The following RTKN2 variants were observed in gnomAD, a reference collection of about 807,000 sequenced individuals.
The protein encoded by RTKN2 is rhotekin 2, also known as rhotekin-2.
A neutral mutation model predicts 71.5 loss-of-function variants in RTKN2; 69 were observed. The ratio of observed to expected loss-of-function variants is 0.96; its 90% CI spans 0.79 to 1.18. The LOEUF is 1.18. Among genes scored for constraint, RTKN2 ranks in the 50% most tolerant of loss-of-function variants. The pLI, the probability that RTKN2 is intolerant of heterozygous loss-of-function variation, is 0.00. For synonymous variants in RTKN2, 236 were observed against 236.5 expected (o/e 1.00, Z 0.02); for missense variants, 724 against 719.7 (o/e 1.01, Z -0.07).
chr10:62,261,039 TAAG>T (rs1471556319), intron 2 of RTKN2, among the ~76,000 whole-genome samples: 1 of 152,230 alleles, frequency 6.6e-6, no homozygotes, highest in Non-Finnish European at 1.5e-5. Flanking sequence ...ATTCATGCTC[TAAG>T]AAGACATGCC....
chr10:62,230,206 T>C (rs1423807142), intron 6 of RTKN2, among the ~76,000 whole-genome samples: 1 of 152,228 alleles, frequency 6.6e-6, no homozygotes, highest in African/African-American at 2.4e-5. Context: ...AGTCTCTCTC[T>C]TGTTGCCCAG....
intron 10 of RTKN2, among the ~76,000 whole-genome samples, chr10:62,204,096 G>T (rs1841501515): frequency 6.6e-6 from 1 of 152,092 alleles, no homozygotes; most frequent in Non-Finnish European, 1.5e-5. Context: ...TATGGAATAG[G>T]ATTCAGTAGA....
At chr10:62,251,866 G>A (rs1842587645) in intron 2 of RTKN2, among the ~76,000 whole-genome samples, 1 of 151,838 alleles carries the variant, frequency 6.6e-6, no homozygotes, top group South Asian at 2.1e-4. Context: ...AAAATATAAG[G>A]TGTCCAATGA....
At chr10:62,189,863 T>TC (rs1841193600), downstream of RTKN2, among the ~76,000 whole-genome samples, 1 of 151,696 alleles carries the variant, frequency 6.6e-6, no homozygotes, top group Non-Finnish European at 1.5e-5. Flanking sequence ...TTTTTTTTTT[T>TC]CTTCATTTTC....
At chr10:62,218,041 C>T (rs1415622182) in intron 8 of RTKN2, among the ~76,000 whole-genome samples, 154 bp downstream of exon 8, 1 of 152,008 alleles carries the variant, frequency 6.6e-6, no homozygotes, top group African/African-American at 2.4e-5. Flanking sequence ...TCACCCCGCA[C>T]CCCCTACAGT....
rs1841366037 is a variant in RTKN2, at chr10:62,198,089, T to C, written c.1649A>G (p.His550Arg). 6.2e-7 allele frequency: 1 copy of C among 1,614,022 alleles called. No individual in the cohort carries two copies. The highest frequency in any genetic ancestry group is 8.5e-7 in the Non-Finnish European group (1 of 1,179,992). Residue 550 changes from histidine (H) to arginine (R), a missense_variant, in exon 12 of 12, where the codon CAT becomes CGT. By Grantham distance (29) the His-to-Arg change is conservative. Transcript: ENST00000373789. Reference sequence around the variant, plus strand: ...AGCAGCCATTGGTTTCTGTAAGTGATGCATTAGAGTTGATAGTTTGGTATC... The same window carrying C: ...AGCAGCCATTGGTTTCTGTAAGTGACGCATTAGAGTTGATAGTTTGGTATC... Reference protein sequence around the residue: ...SLDTKLSTLMHHLQKPMAAPR... With the variant: ...SLDTKLSTLMRHLQKPMAAPR...
chr10:62,257,153 T>G (rs546294870), intron 2 of RTKN2, among the ~76,000 whole-genome samples: 1 of 152,328 alleles, frequency 6.6e-6, no homozygotes, highest in East Asian at 1.9e-4. Flanking sequence ...AAGAGTTACC[T>G]CAGCTATGAG....
At chr10:62,210,146 G>T (rs1432760661) in intron 9 of RTKN2, among the ~76,000 whole-genome samples, 14 of 152,066 alleles carry the variant, frequency 9.2e-5, no homozygotes, top group African/African-American at 3.4e-4. Context: ...ATAATATGTG[G>T]CCCTTATTTG....
chr10:62,227,622 G>A (rs1842056896), intron 6 of RTKN2, among the ~76,000 whole-genome samples: 2 of 152,172 alleles, frequency 1.3e-5, no homozygotes, highest in African/African-American at 4.8e-5. Flanking sequence ...GGAGTGAGAT[G>A]TGCAGCAAAT....
intron 9 of RTKN2, among the ~76,000 whole-genome samples, chr10:62,208,413 A>G (rs984752524): frequency 2.6e-5 from 4 of 152,178 alleles, no homozygotes; most frequent in Non-Finnish European, 5.9e-5. Flanking sequence ...ATCTTGTCCT[A>G]TCAGAAATCT....
intron 8 of RTKN2, among the ~76,000 whole-genome samples, chr10:62,185,116 A>C (rs113513798): frequency 6.6e-6 from 1 of 152,030 alleles, no homozygotes. Context: ...TTTCAGTACT[A>C]ACTTTAGATG....
intron 6 of RTKN2, among the ~76,000 whole-genome samples, chr10:62,228,456 G>T (rs1842077123): frequency 6.6e-6 from 1 of 152,162 alleles, no homozygotes; most frequent in South Asian, 2.1e-4. Flanking sequence ...CTGTAGGATG[G>T]GATGGAGGTA....
intron 1 of RTKN2, 95 bp downstream of exon 1, chr10:62,268,456 G>T: frequency 8.6e-7 from 1 of 1,164,400 alleles, no homozygotes; most frequent in Non-Finnish European, 1.3e-6. Flanking sequence ...GAGGAGCGGG[G>T]GAGAGGCTTT....
At chr10:62,218,414 C>A in intron 7 of RTKN2, 113 bp from the exon 8 acceptor site, 1 of 651,928 alleles carries the variant, frequency 1.5e-6, no homozygotes, top group Non-Finnish European at 2.5e-6. Context: ...TTGTACAGAA[C>A]ATATTTTAGA....
chr10:62,249,097 T>C (rs930318771), intron 2 of RTKN2, among the ~76,000 whole-genome samples: 3 of 152,180 alleles, frequency 2.0e-5, no homozygotes, highest in South Asian at 2.1e-4. Context: ...AGTTTTATTA[T>C]AGAACTAAGA....
chr10:62,233,464 C>A (rs994284774), intron 6 of RTKN2, among the ~76,000 whole-genome samples: 3 of 151,920 alleles, frequency 2.0e-5, no homozygotes, highest in African/African-American at 7.3e-5. Flanking sequence ...CTCTTGCCTC[C>A]TTTTAAATGA....
chr10:62,189,964 CT>C (rs1482500149), downstream of RTKN2, among the ~76,000 whole-genome samples: 2 of 151,812 alleles, frequency 1.3e-5, no homozygotes, highest in Non-Finnish European at 2.9e-5. Flanking sequence ...AATACCACTT[CT>C]TCTAGTTGTC....
chr10:62,217,487 C>T (rs1490627746), intron 8 of RTKN2, among the ~76,000 whole-genome samples: 2 of 152,052 alleles, frequency 1.3e-5, no homozygotes, highest in Non-Finnish European at 2.9e-5. Flanking sequence ...CAACGATTAC[C>T]ACCTAACTTT....
At position 62,235,686 on chromosome 10, in the gene RTKN2, G is replaced by GTGTA. The variant is rs1554812758; in HGVS notation, c.686+376_686+379dup. Among the ~76,000 whole-genome samples the GTGTA allele has an allele frequency of 9.5e-3, 1,438 of 151,030 alleles. 15 individuals carry two copies. The highest frequency in any genetic ancestry group is 0.026 in the African/African-American group (1,088 of 41,186). On this transcript the variant is annotated intron_variant, in intron 6 of 11. Coordinates refer to ENST00000373789, the MANE Select transcript of RTKN2 (RefSeq NM_145307.4). ...ATAAGGTGTGTGTGTGTGTGTGTGT[G>GTGTA]TGTATACATGTATGTATATAAAAAT... is the stretch of plus-strand genomic sequence containing the variant.
Sources: gnomAD v4.1 joint callset for allele counts (sites outside exome capture counted in the v4.1 genomes callset) on GRCh38, gnomAD v4.1.1 for gene constraint, MANE v1.5 for transcripts, NCBI Gene and HGNC (gene_info 2026-07-23, HGNC 2026-07-21) for gene names.